The following MTSS1 variants were observed in gnomAD, a reference collection of about 807,000 sequenced individuals.
The protein encoded by MTSS1 is protein MTSS 1.
MTSS1 carries 18 observed loss-of-function variants against 79.0 expected under a neutral mutation model. The ratio of observed to expected loss-of-function variants is 0.23; its 90% CI spans 0.16 to 0.34. The LOEUF (loss-of-function observed/expected upper bound fraction) is 0.34. Among genes scored for constraint, MTSS1 ranks in the 10% least tolerant of loss-of-function variants. The pLI, the probability that MTSS1 is intolerant of heterozygous loss-of-function variation, is 1.00. For synonymous variants in MTSS1, 341 were observed against 368.6 expected, an observed-to-expected ratio of 0.93 and a Z score of 0.86; for missense variants, 815 against 986.2, an observed-to-expected ratio of 0.83 and a Z score of 2.33.
intron 12 of MTSS1, 29 bp downstream of exon 12, chr8:124,556,203 C>G (rs769181024): frequency 6.2e-7 from 1 of 1,614,010 alleles, no homozygotes; most frequent in South Asian, 1.1e-5. Flanking sequence ...GAGGTGGCCC[C>G]AACCAGCTAC....
chr8:124,717,161 C>T (rs1013817051), intron 1 of MTSS1, among the ~76,000 whole-genome samples: 4 of 152,122 alleles, frequency 2.6e-5, no homozygotes, highest in Non-Finnish European at 5.9e-5. Context: ...TCTAACGCCA[C>T]CTCCTCTGCG....
intron 10 of MTSS1, 104 bp downstream of exon 10, chr8:124,562,678 G>T: frequency 9.2e-7 from 1 of 1,086,040 alleles, no homozygotes; most frequent in Non-Finnish European, 1.4e-6. Flanking sequence ...TCAAGTCAGT[G>T]GGCAGGGGAT....
At chr8:124,645,495 T>C (rs1402694373) in intron 3 of MTSS1, among the ~76,000 whole-genome samples, 1 of 152,192 alleles carries the variant, frequency 6.6e-6, no homozygotes, top group African/African-American at 2.4e-5. Flanking sequence ...GGCAAAAATC[T>C]TAGGATAAAC....
intron 3 of MTSS1, among the ~76,000 whole-genome samples, chr8:124,607,323 G>C (rs1287651680): frequency 2.0e-5 from 3 of 152,222 alleles, no homozygotes; most frequent in African/African-American, 7.2e-5. Context: ...TTCTGCAGTT[G>C]ATTTCCCGGC....
At chr8:124,575,011 T>C (rs182099136) in intron 6 of MTSS1, among the ~76,000 whole-genome samples, 2 of 152,240 alleles carry the variant, frequency 1.3e-5, no homozygotes, top group African/African-American at 2.4e-5. Flanking sequence ...AAAATAATGG[T>C]GCATCTGACA....
At chr8:124,628,637 T>C (rs1449748863) in intron 3 of MTSS1, among the ~76,000 whole-genome samples, 1 of 151,890 alleles carries the variant, frequency 6.6e-6, no homozygotes, top group African/African-American at 2.4e-5. Context: ...TCCCCATCGA[T>C]GACAGCAATT....
rs565869937 is a variant in MTSS1 at position 124,592,500 on chromosome 8, T to C, written c.209-1265A>G. On this transcript the variant is annotated intron_variant, in intron 3 of 13. Transcript: ENST00000518547. ...TGAATTGGTAGAAGAACATTCCCTC[T>C]CTTATTAGTACTCGTGACATTACTA... 7.9e-5 allele frequency among the ~76,000 whole-genome samples: 12 copies of C among 152,276 alleles called. No homozygotes were observed. In the South Asian group the frequency reaches 2.5e-3, roughly 32 times the overall value.
rs140952710 is a variant in MTSS1 at position 124,571,599 on chromosome 8, A to G, written c.461-3063T>C. Among the ~76,000 whole-genome samples, 16 of 152,288 alleles carry G rather than the reference A, an allele frequency of 1.1e-4. No individual in the cohort carries two copies. The East Asian group carries it at 3.1e-3, about 29-fold the overall frequency. ...GGATGGTGAACAGAAGTCGGGAGACACCAGATTGAGACACATTGTGTTTGA... is the reference window on the plus strand; with the variant it reads ...GGATGGTGAACAGAAGTCGGGAGACGCCAGATTGAGACACATTGTGTTTGA... On this transcript the variant is annotated intron_variant, in intron 6 of 13. Transcript: ENST00000518547.
intron 5 of MTSS1, among the ~76,000 whole-genome samples, chr8:124,585,849 C>A (rs369691237): frequency 1.3e-5 from 2 of 152,096 alleles, no homozygotes; most frequent in Admixed American, 6.5e-5. Flanking sequence ...AAACAAAAAA[C>A]CCCTATGTGG....
At chr8:124,715,905 C>A (rs115247089) in intron 1 of MTSS1, among the ~76,000 whole-genome samples, 1 of 152,208 alleles carries the variant, frequency 6.6e-6, no homozygotes, top group Non-Finnish European at 1.5e-5. Flanking sequence ...GTAAAGGACA[C>A]TGATGGCAGT....
At chr8:124,556,111 G>A (rs1379409106) in intron 12 of MTSS1, 121 bp downstream of exon 12, 1 of 1,561,756 alleles carries the variant, frequency 6.4e-7, no homozygotes, top group Non-Finnish European at 8.7e-7. Flanking sequence ...CAGGAAGTCA[G>A]GGAATGGAGC....
intron 3 of MTSS1, among the ~76,000 whole-genome samples, chr8:124,689,512 G>A (rs1249888345): frequency 2.6e-5 from 4 of 152,032 alleles, no homozygotes; most frequent in African/African-American, 7.2e-5. Context: ...TTGGGAGGCT[G>A]AGGCAGGCGG....
intron 3 of MTSS1, among the ~76,000 whole-genome samples, chr8:124,619,922 A>G (rs1422609903): frequency 7.2e-6 from 1 of 139,652 alleles, no homozygotes; most frequent in Non-Finnish European, 1.5e-5. Context: ...CAAAAATTAC[A>G]GCACAACTGT....
intron 3 of MTSS1, among the ~76,000 whole-genome samples, chr8:124,679,236 C>T (rs930989627): frequency 4.1e-4 from 63 of 152,206 alleles, no homozygotes; most frequent in African/African-American, 1.5e-3. Context: ...TTATTTAATC[C>T]TTGCAACTGC....
At chr8:124,606,822 G>A (rs1211268167) in intron 3 of MTSS1, among the ~76,000 whole-genome samples, 1 of 152,144 alleles carries the variant, frequency 6.6e-6, no homozygotes, top group African/African-American at 2.4e-5. Context: ...GACATGTACT[G>A]TCAGGCTTCA....
intron 3 of MTSS1, among the ~76,000 whole-genome samples, chr8:124,695,253 G>C (rs1328429608): frequency 6.6e-6 from 1 of 152,142 alleles, no homozygotes; most frequent in East Asian, 1.9e-4. Flanking sequence ...CGACCTGCTA[G>C]CTTGAAATGC....
rs116834841 is a variant in MTSS1 at position 124,583,238 on chromosome 8, A to C, written c.460+1849T>G. ...CCTCCATTCTCTCATCTGTCAGGCC[A>C]ATGTGCCCTAAGAAACCACACAACT... On this transcript the variant is annotated intron_variant, in intron 6 of 13. Transcript: ENST00000518547. 5.2e-4 allele frequency among the ~76,000 whole-genome samples: 79 copies of C among 152,286 alleles called. 1 individual carries two copies. Among genetic ancestry groups the C allele is most frequent in the African/African-American group, 1.9e-3 (79 of 41,554 alleles).
At chr8:124,572,730 T>A (rs1286588434) in intron 6 of MTSS1, among the ~76,000 whole-genome samples, 1 of 139,066 alleles carries the variant, frequency 7.2e-6, no homozygotes, top group Non-Finnish European at 1.5e-5. Context: ...GGCTACTTTC[T>A]TTCTTTTCTT....
At chr8:124,701,495 G>A (rs1047485355) in intron 2 of MTSS1, among the ~76,000 whole-genome samples, 2 of 152,190 alleles carry the variant, frequency 1.3e-5, no homozygotes, top group African/African-American at 4.8e-5. Context: ...ATTTTTTAAA[G>A]AGTTGACATC....
Sources: gnomAD v4.1 joint callset for allele counts (sites outside exome capture counted in the v4.1 genomes callset) on GRCh38, gnomAD v4.1.1 for gene constraint, MANE v1.5 for transcripts, NCBI Gene and HGNC (gene_info 2026-07-23, HGNC 2026-07-21) for gene names.